VWA8: variants seen among roughly 807,000 people sequenced by gnomAD.
VWA8 encodes the protein von Willebrand factor A domain-containing protein 8.
Under a neutral mutation model 241.5 loss-of-function variants are expected in VWA8, and 221 were observed. The observed-to-expected ratio is 0.91, with a 90% CI of 0.82 to 1.02. The LOEUF (loss-of-function observed/expected upper bound fraction) is 1.02. VWA8 is among the 50% of genes least tolerant of loss of function. VWA8 has a pLI of 0.00. For synonymous variants in VWA8, 852 were observed against 827.1 expected (o/e 1.03, Z -0.52); for missense variants, 2,322 against 2,328.7 (o/e 1.00, Z 0.06).
intron 19 of VWA8, among the ~76,000 whole-genome samples, chr13:41,778,326 T>G (rs898674371): frequency 1.3e-5 from 2 of 152,124 alleles, no homozygotes; most frequent in Non-Finnish European, 2.9e-5. Context: ...CTCAAATATT[T>G]TTTTACCTAT....
chr13:41,906,363 A>T lies in VWA8; in HGVS notation c.483+1223T>A, dbSNP rs1417584114. Among the ~76,000 whole-genome samples the T allele has an allele frequency of 2.0e-5, 3 of 152,152 alleles. No individual in the cohort carries two copies. The East Asian group carries it at 5.8e-4, about 29-fold the overall frequency. On this transcript the variant is annotated intron_variant, in intron 4 of 44. Coordinates refer to ENST00000379310, the MANE Select transcript of VWA8 (RefSeq NM_015058.2). ...AACATACTTTATGTACACTCTGTTA[A>T]CTGCTCCTTGTGCATCCTTCTGGAA... is the stretch of plus-strand genomic sequence containing the variant.
chr13:41,915,332 C>T (rs181730635), intron 2 of VWA8, among the ~76,000 whole-genome samples: 4 of 152,320 alleles, frequency 2.6e-5, no homozygotes, highest in African/African-American at 7.2e-5. Flanking sequence ...ATTCTTAGCA[C>T]TCAGCAGTGG....
chr13:41,917,044 C>G (rs1340279187), intron 2 of VWA8, among the ~76,000 whole-genome samples: 1 of 152,156 alleles, frequency 6.6e-6, no homozygotes, highest in African/African-American at 2.4e-5. Context: ...TGGCCTAAAT[C>G]CCTGATTCAA....
At chr13:41,891,792 G>A (rs1310094179) in intron 4 of VWA8, among the ~76,000 whole-genome samples, 1 of 152,114 alleles carries the variant, frequency 6.6e-6, no homozygotes, top group East Asian at 1.9e-4. Flanking sequence ...TTATTCGTTT[G>A]TAAAATAAAG....
intron 1 of VWA8, among the ~76,000 whole-genome samples, chr13:41,955,228 C>T (rs1352437080): frequency 2.0e-5 from 3 of 152,142 alleles, no homozygotes; most frequent in African/African-American, 7.2e-5. Flanking sequence ...TATAAGACAA[C>T]AGGTAACATA....
intron 14 of VWA8, among the ~76,000 whole-genome samples, chr13:41,822,290 G>C (rs1196108414): frequency 2.0e-5 from 3 of 152,022 alleles, no homozygotes. Context: ...GAATAATATG[G>C]AAGGATTCTA....
Position 41,713,783 on chromosome 13 carries a change from G to T in VWA8, c.3116+5808C>A, listed in dbSNP as rs193236031. Among the ~76,000 whole-genome samples, 12 of 152,162 alleles carry T rather than the reference G, an allele frequency of 7.9e-5. No homozygotes were observed. The East Asian group carries it at 1.9e-3, about 24-fold the overall frequency. On this transcript the variant is annotated intron_variant, in intron 26 of 44. Transcript: ENST00000379310. Reference sequence around the variant, plus strand: ...ATACTTTATGAATCTTGTTCATTATGTTTAGAAAAAATAAGTTTACAATTT... The same window carrying T: ...ATACTTTATGAATCTTGTTCATTATTTTTAGAAAAAATAAGTTTACAATTT...
chr13:41,926,983 T>A, intron 2 of VWA8: 1 of 478,670 alleles, frequency 2.1e-6, no homozygotes, highest in Non-Finnish European at 4.1e-6. Context: ...CATCCACAGA[T>A]AATGAGCGCT....
At chr13:41,639,413 T>A (rs956219021) in intron 37 of VWA8, among the ~76,000 whole-genome samples, 5 of 152,144 alleles carry the variant, frequency 3.3e-5, no homozygotes, top group Non-Finnish European at 5.9e-5. Context: ...AAAGATGCGT[T>A]CATTTGTCTG....
rs149190599 is a variant in VWA8, at chr13:41,822,034, C to T, written c.1701-2648G>A. Among the ~76,000 whole-genome samples, 138 of 152,064 alleles carry T rather than the reference C, an allele frequency of 9.1e-4. 1 individual carries two copies. Among genetic ancestry groups the T allele is most frequent in the African/African-American group, 3.2e-3 (132 of 41,496 alleles). ...AAGGTGCAGGAGTTGGGGATGTCAA[C>T]GGGTCTGAGGATACTTTGAGGATTA... On this transcript the variant is annotated intron_variant, in intron 14 of 44. Coordinates refer to ENST00000379310, the MANE Select transcript of VWA8 (RefSeq NM_015058.2).
At chr13:41,580,173 GA>G (rs2044373825) in intron 42 of VWA8, among the ~76,000 whole-genome samples, 2 of 152,066 alleles carry the variant, frequency 1.3e-5, no homozygotes, top group African/African-American at 4.8e-5. Context: ...TTACTACAGA[GA>G]AATAACTACT....
intron 12 of VWA8, chr13:41,865,525 GGTAT>G (rs1473328084): frequency 6.1e-6 from 3 of 492,840 alleles, no homozygotes; most frequent in Non-Finnish European, 1.1e-5. Flanking sequence ...AACAGCCCCT[GGTAT>G]GTTGTGCACA....
At chr13:41,622,915 A>G (rs1299564352) in intron 37 of VWA8, among the ~76,000 whole-genome samples, 4 of 152,340 alleles carry the variant, frequency 2.6e-5, no homozygotes, top group Admixed American at 6.5e-5. Context: ...CAAAGCAGAC[A>G]TTTCTCATGT....
intron 12 of VWA8, among the ~76,000 whole-genome samples, chr13:41,835,088 A>AGAGGAGG (rs1400768305): frequency 2.0e-5 from 3 of 152,134 alleles, no homozygotes; most frequent in Admixed American, 2.0e-4. Flanking sequence ...TCAGAGGGTG[A>AGAGGAGG]GAGGAGGGAG....
chr13:41,659,048 T>G (rs940273594), intron 37 of VWA8, among the ~76,000 whole-genome samples: 1 of 152,184 alleles, frequency 6.6e-6, no homozygotes, highest in Admixed American at 6.5e-5. Context: ...GAAGGAAAAC[T>G]TTTATATTAT....
intron 2 of VWA8, among the ~76,000 whole-genome samples, chr13:41,918,709 G>C (rs537547709): frequency 1.3e-4 from 19 of 151,778 alleles, no homozygotes; most frequent in Admixed American, 1.0e-3. Context: ...TTATGAAAAT[G>C]GTCTGTACAT....
At chr13:41,898,166 G>C (rs986998169) in intron 4 of VWA8, among the ~76,000 whole-genome samples, 3 of 150,222 alleles carry the variant, frequency 2.0e-5, no homozygotes, top group Admixed American at 2.0e-4. Flanking sequence ...GCCGATTGGT[G>C]TATTTACAAT....
intron 41 of VWA8, among the ~76,000 whole-genome samples, chr13:41,587,920 T>G (rs374886777): frequency 7.2e-5 from 11 of 152,386 alleles, no homozygotes; most frequent in African/African-American, 2.6e-4. Flanking sequence ...AATATAGTCC[T>G]TTTAAAGCTC....
intron 37 of VWA8, among the ~76,000 whole-genome samples, chr13:41,617,384 G>T (rs2044628044): frequency 6.6e-6 from 1 of 152,068 alleles, no homozygotes; most frequent in African/African-American, 2.4e-5. Context: ...CTCCCAAAGT[G>T]CTGGGATTAC....
Sources: allele counts gnomAD v4.1 joint callset (sites outside exome capture counted in the v4.1 genomes callset), GRCh38; gene constraint gnomAD v4.1.1; transcripts MANE v1.5; gene names NCBI Gene and HGNC (gene_info 2026-07-23, HGNC 2026-07-21).